STOM: variants seen among roughly 807,000 people sequenced by gnomAD.
STOM encodes the protein erythrocyte band 7 integral membrane protein.
STOM carries 25 observed loss-of-function variants against 30.6 expected under a neutral mutation model. That is an observed-to-expected ratio of 0.82 (90% CI 0.60 to 1.14). The LOEUF is 1.14. STOM is among the 50% of genes most tolerant of loss of function. The pLI is 0.00. For synonymous variants in STOM, 118 were observed against 130.8 expected (o/e 0.90, Z 0.67); for missense variants, 292 against 365.2 (o/e 0.80, Z 1.63).
At chr9:121,346,254 T>C (rs140058385) in intron 6 of STOM, among the ~76,000 whole-genome samples, 3,279 of 152,278 alleles carry the variant, frequency 0.022, 57 homozygotes, top group Non-Finnish European at 0.029. Flanking sequence ...CCTCCCAAAG[T>C]GCTGGGATTA....
chr9:121,362,078 T>C (rs935674942), intron 1 of STOM, among the ~76,000 whole-genome samples: 2 of 152,184 alleles, frequency 1.3e-5, no homozygotes, highest in African/African-American at 4.8e-5. Flanking sequence ...GAATAAACTT[T>C]TAACTAATCA....
In STOM at chr9:121,367,132, AAT is replaced by A. The variant is rs569268892; in HGVS notation, c.61+2993_61+2994del. On this transcript the variant is annotated intron_variant, in intron 1 of 6. Coordinates refer to ENST00000286713, the MANE Select transcript of STOM (RefSeq NM_004099.6). ...AGGGGACAGATGAGTCAAACTGATA[AAT>A]ATGTTATGTAATAAACATTATGATA... 3.3e-5 allele frequency among the ~76,000 whole-genome samples: 5 copies of A among 152,244 alleles called. No individual in the cohort carries two copies. In the South Asian group the frequency reaches 8.3e-4, roughly 25 times the overall value.
chr9:121,341,478 G>T, intron 6 of STOM, 70 bp from the exon 7 acceptor site: 1 of 1,599,072 alleles, frequency 6.3e-7, no homozygotes, highest in Non-Finnish European at 8.5e-7. Context: ...TCTTCAACCG[G>T]GGGTATGTAT....
At chr9:121,367,119 A>G (rs1252181686) in intron 1 of STOM, among the ~76,000 whole-genome samples, 2 of 152,136 alleles carry the variant, frequency 1.3e-5, no homozygotes, top group African/African-American at 2.4e-5. Context: ...GGGACAGATG[A>G]GTCAAACTGA....
At chr9:121,343,740 G>A (rs1045199152) in intron 6 of STOM, among the ~76,000 whole-genome samples, 8 of 152,134 alleles carry the variant, frequency 5.3e-5, no homozygotes, top group Non-Finnish European at 7.4e-5. Flanking sequence ...GAATGGGGCC[G>A]GGTTCTGAAG....
At chr9:121,360,755 C>G (rs1464991930) in intron 1 of STOM, among the ~76,000 whole-genome samples, 2 of 151,888 alleles carry the variant, frequency 1.3e-5, no homozygotes. Flanking sequence ...TACATGAGGA[C>G]AAGCCAAAAA....
chr9:121,368,133 G>T (rs2064523405), intron 1 of STOM, among the ~76,000 whole-genome samples: 1 of 152,028 alleles, frequency 6.6e-6, no homozygotes, highest in African/African-American at 2.4e-5. Flanking sequence ...CGTCAAATTT[G>T]TTAGGTTTAC....
chr9:121,368,016 A>C (rs1475250614), intron 1 of STOM, among the ~76,000 whole-genome samples: 1 of 152,228 alleles, frequency 6.6e-6, no homozygotes, highest in African/African-American at 2.4e-5. Flanking sequence ...GAGCTGTTAC[A>C]GAATGCAATT....
At chr9:121,349,356 C>G (rs370416154) in intron 4 of STOM, 33 bp from the exon 5 acceptor site, 7 of 1,598,266 alleles carry the variant, frequency 4.4e-6, no homozygotes, top group African/African-American at 1.3e-5. Flanking sequence ...TTACATCTGT[C>G]AACGACTTTT....
rs1348560781 is a variant in STOM, at chr9:121,339,995, A to G, written c.*1207T>C. ...GTTAACAGCATGCAGATAGTAAAATATAATGGTTTCCTGAAGTTATCTCTT... is the reference window on the plus strand; with the variant it reads ...GTTAACAGCATGCAGATAGTAAAATGTAATGGTTTCCTGAAGTTATCTCTT... On this transcript the variant is annotated 3_prime_UTR_variant, in exon 7 of 7. Coordinates refer to ENST00000286713, the MANE Select transcript of STOM (RefSeq NM_004099.6). 1.0e-5 allele frequency: 10 copies of G among 997,368 alleles called. No homozygotes were observed. The highest frequency in any genetic ancestry group is 1.2e-5 in the Non-Finnish European group (10 of 838,020). 61.8% of individuals were successfully genotyped at this position (997,368 alleles called of 1,614,324 possible). A position where few individuals can be genotyped will look rare whatever the true frequency, so the allele number is the denominator to read the frequency against.
chr9:121,361,801 C>T (rs892602500), intron 1 of STOM, among the ~76,000 whole-genome samples: 2 of 152,188 alleles, frequency 1.3e-5, no homozygotes, highest in Admixed American at 1.3e-4. Context: ...ACCTTTTTGG[C>T]ACCAGGGACC....
chr9:121,354,756 C>A (rs991696591), intron 2 of STOM, 83 bp from the exon 3 acceptor site: 22 of 1,040,692 alleles, frequency 2.1e-5, no homozygotes, highest in Non-Finnish European at 4.2e-6. Flanking sequence ...TATTTCTGCT[C>A]TAAACAGATT....
Position 121,360,482 on chromosome 9 carries a change from T to C in STOM, c.62-4326A>G, listed in dbSNP as rs141835151. Reference sequence around the variant, plus strand: ...GATCTTTACCTCTTTGAACCTTAGTTTCCTTACCGGTGGAAAGTAAAGATT... The same window carrying C: ...GATCTTTACCTCTTTGAACCTTAGTCTCCTTACCGGTGGAAAGTAAAGATT... On this transcript the variant is annotated intron_variant, in intron 1 of 6. Coordinates refer to ENST00000286713, the MANE Select transcript of STOM (RefSeq NM_004099.6). Among the ~76,000 whole-genome samples, 531 of 152,324 alleles carry C rather than the reference T, an allele frequency of 3.5e-3. 2 individuals carry two copies. Among genetic ancestry groups the C allele is most frequent in the African/African-American group, 0.012 (493 of 41,586 alleles).
chr9:121,363,683 CTTG>C (rs2064475924), intron 1 of STOM, among the ~76,000 whole-genome samples: 1 of 152,156 alleles, frequency 6.6e-6, no homozygotes. Context: ...TATTTCATAA[CTTG>C]TGGGACATAC....
rs1285766619 is a variant in STOM at position 121,340,184 on chromosome 9, GAA to G, written c.*1016_*1017del. The G allele has an allele frequency of 1.0e-6, 1 of 985,286 alleles. No individual in the cohort carries two copies. The highest frequency in any genetic ancestry group is 6.2e-5 in the Admixed American group (1 of 16,260). 61.0% of individuals were successfully genotyped at this position (985,286 alleles called of 1,614,324 possible). On this transcript the variant is annotated 3_prime_UTR_variant, in exon 7 of 7. Transcript: ENST00000286713. ...TTTGTGACAAATATTTAGCTGGTTT[GAA>G]AGACAGAACAAGGAGGAATCATTTA...
chr9:121,359,224 A>G lies in STOM; in HGVS notation c.62-3068T>C, dbSNP rs1288061049. 2.6e-5 allele frequency among the ~76,000 whole-genome samples: 4 copies of G among 152,218 alleles called. No individual in the cohort carries two copies. In the East Asian group the frequency reaches 7.7e-4, roughly 29 times the overall value. ...CTTGGAATAAATAGGAGGCCAAGAAATAAGCAGAGTGTTCAGGCTGGGAAC... is the reference window on the plus strand; with the variant it reads ...CTTGGAATAAATAGGAGGCCAAGAAGTAAGCAGAGTGTTCAGGCTGGGAAC... On this transcript the variant is annotated intron_variant, in intron 1 of 6. Coordinates refer to ENST00000286713, the MANE Select transcript of STOM (RefSeq NM_004099.6).
chr9:121,354,485 A>T, intron 3 of STOM, 116 bp downstream of exon 3: 2 of 733,492 alleles, frequency 2.7e-6, no homozygotes, highest in Non-Finnish European at 4.4e-6. Flanking sequence ...ATGCCACTGT[A>T]CTCCAGCCTG....
intron 1 of STOM, among the ~76,000 whole-genome samples, chr9:121,361,631 T>G (rs1832757): frequency 0.42 from 63,287 of 151,910 alleles, 13,538 homozygotes; most frequent in African/African-American, 0.49. Flanking sequence ...CTCGTGATCC[T>G]CCGGCCTCGG....
intron 1 of STOM, chr9:121,366,102 T>C: frequency 1.2e-5 from 12 of 984,860 alleles, no homozygotes; most frequent in Non-Finnish European, 1.4e-5. Context: ...TTTCACTATA[T>C]TCTACTACCT....
Sources: allele counts gnomAD v4.1 joint callset (sites outside exome capture counted in the v4.1 genomes callset), GRCh38; gene constraint gnomAD v4.1.1; transcripts MANE v1.5; gene names NCBI Gene and HGNC (gene_info 2026-07-23, HGNC 2026-07-21).